The following IL1RAPL1 variants were observed in gnomAD, a reference collection of about 807,000 sequenced individuals.
IL1RAPL1 encodes interleukin 1 receptor accessory protein like 1, also known as interleukin-1 receptor accessory protein-like 1.
IL1RAPL1 carries 3 observed loss-of-function variants against 48.4 expected under a neutral mutation model. That is an observed-to-expected ratio of 0.06 (90% CI 0.03 to 0.16). IL1RAPL1 has a LOEUF of 0.16. Ranked by LOEUF, IL1RAPL1 falls within the 10% of genes least tolerant of loss-of-function variation. The probability of loss-of-function intolerance (pLI) is 1.00; values close to 1 mark genes in which losing one functional copy is unlikely to be tolerated. For synonymous variants in IL1RAPL1, 185 were observed against 187.7 expected, an observed-to-expected ratio of 0.99 and a Z score of 0.12; for missense variants, 349 against 530.6, an observed-to-expected ratio of 0.66 and a Z score of 3.36.
chrX:29,160,290 T>G (rs1319973352), intron 2 of IL1RAPL1, among the ~76,000 whole-genome samples: 1 of 111,883 alleles, frequency 8.9e-6, no homozygotes, highest in Non-Finnish European at 1.9e-5. Flanking sequence ...CTGCTTCTCA[T>G]TTTTCTTAAT....
intron 1 of IL1RAPL1, among the ~76,000 whole-genome samples, chrX:28,649,986 A>G (rs1413911698): frequency 9.0e-6 from 1 of 111,716 alleles, no homozygotes; most frequent in Non-Finnish European, 1.9e-5. Flanking sequence ...ATACTCAGGC[A>G]GCATTTTGTT....
At chrX:29,401,583 T>C (rs2147690221) in intron 5 of IL1RAPL1, among the ~76,000 whole-genome samples, 1 of 110,763 alleles carries the variant, frequency 9.0e-6, no homozygotes, top group Admixed American at 9.7e-5. Flanking sequence ...CTTGGTTTTC[T>C]GCACATCATT....
chrX:29,551,474 A>G (rs1320090284), intron 5 of IL1RAPL1, among the ~76,000 whole-genome samples: 1 of 112,252 alleles, frequency 8.9e-6, no homozygotes, highest in South Asian at 3.7e-4. Flanking sequence ...AAATTAGTCC[A>G]TGAAAGGCAT....
At chrX:29,471,169 AG>A (rs1934916618) in intron 5 of IL1RAPL1, among the ~76,000 whole-genome samples, 1 of 109,755 alleles carries the variant, frequency 9.1e-6, no homozygotes, top group Non-Finnish European at 1.9e-5. Context: ...TTTCCAAAGG[AG>A]GGGGTGGGGG....
intron 2 of IL1RAPL1, among the ~76,000 whole-genome samples, chrX:29,238,173 G>T (rs958686708): frequency 9.0e-6 from 1 of 111,724 alleles, no homozygotes; most frequent in African/African-American, 3.3e-5. Flanking sequence ...ACCTGCTTCT[G>T]TTATTCTCAA....
intron 3 of IL1RAPL1, among the ~76,000 whole-genome samples, chrX:29,374,723 G>A (rs1385231016): frequency 9.2e-6 from 1 of 109,104 alleles, no homozygotes; most frequent in Non-Finnish European, 1.9e-5. Context: ...GCAGGGAGAT[G>A]GATGGAGGGG....
chrX:29,938,846 T>G (rs1933076593), intron 8 of IL1RAPL1, among the ~76,000 whole-genome samples: 1 of 112,571 alleles, frequency 8.9e-6, no homozygotes, highest in African/African-American at 3.2e-5. Context: ...GTAGGTATTA[T>G]TTCTTGTCTG....
intron 5 of IL1RAPL1, among the ~76,000 whole-genome samples, chrX:29,437,451 A>C (rs1202990941): frequency 9.0e-6 from 1 of 110,750 alleles, no homozygotes; most frequent in Non-Finnish European, 1.9e-5. Context: ...ATGTTGAATA[A>C]GAGTAGTGAG....
chrX:28,957,405 A>T (rs914427060), intron 2 of IL1RAPL1, among the ~76,000 whole-genome samples: 3 of 112,132 alleles, frequency 2.7e-5, no homozygotes, highest in Non-Finnish European at 5.6e-5. Flanking sequence ...ACTAAATTTT[A>T]AATATTTTAA....
At chrX:28,953,631 G>T (rs1053194369) in intron 2 of IL1RAPL1, among the ~76,000 whole-genome samples, 1 of 111,283 alleles carries the variant, frequency 9.0e-6, no homozygotes, top group African/African-American at 3.3e-5. Flanking sequence ...AAGTGAGGCT[G>T]TCCAGAGGTG....
chrX:28,599,003 G>A (rs1220858200), intron 1 of IL1RAPL1, among the ~76,000 whole-genome samples: 9 of 109,168 alleles, frequency 8.2e-5, no homozygotes, highest in Non-Finnish European at 1.1e-4. Flanking sequence ...ACTTTGGGAG[G>A]CCGAGGCAAG....
intron 5 of IL1RAPL1, among the ~76,000 whole-genome samples, chrX:29,504,257 G>T (rs932966578): frequency 4.5e-5 from 5 of 111,498 alleles, no homozygotes; most frequent in African/African-American, 1.6e-4. Flanking sequence ...CTAAGAGATG[G>T]TCTACCCTGG....
chrX:28,813,470 A>G (rs1936818313), intron 2 of IL1RAPL1, among the ~76,000 whole-genome samples: 1 of 111,290 alleles, frequency 9.0e-6, no homozygotes, highest in African/African-American at 3.3e-5. Flanking sequence ...TATCTTCATC[A>G]GTGTTCCATG....
chrX:28,884,646 C>A (rs1275641493), intron 2 of IL1RAPL1, among the ~76,000 whole-genome samples: 1 of 111,657 alleles, frequency 9.0e-6, no homozygotes, highest in Non-Finnish European at 1.9e-5. Flanking sequence ...TTTGGCAAAT[C>A]TCCTTTTATA....
chrX:29,017,679 TAATC>T (rs1310064341), intron 2 of IL1RAPL1, among the ~76,000 whole-genome samples: 1 of 111,332 alleles, frequency 9.0e-6, no homozygotes, highest in Non-Finnish European at 1.9e-5. Context: ...AAGTGAATCT[TAATC>T]TATGTGGTAA....
chrX:29,764,105 A>G (rs1197024798), intron 6 of IL1RAPL1, among the ~76,000 whole-genome samples: 1 of 111,897 alleles, frequency 8.9e-6, no homozygotes, highest in Non-Finnish European at 1.9e-5. Context: ...AACAAATTAA[A>G]TTTTAATCTT....
At chrX:29,176,247 C>G (rs769014451) in intron 2 of IL1RAPL1, among the ~76,000 whole-genome samples, 494 of 98,282 alleles carry the variant, frequency 5.0e-3, no homozygotes, top group Non-Finnish European at 7.6e-3. Context: ...GCGCCCACCA[C>G]CACGCCTGGC....
chrX:29,370,338 G>GTT (rs66917059), intron 3 of IL1RAPL1, among the ~76,000 whole-genome samples: 118 of 108,126 alleles, frequency 1.1e-3, no homozygotes, highest in African/African-American at 2.4e-3. Flanking sequence ...ATGACATGAA[G>GTT]TATTTTTTTT....
chrX:29,762,932 T>C (rs1928789065), intron 6 of IL1RAPL1, among the ~76,000 whole-genome samples: 1 of 111,522 alleles, frequency 9.0e-6, no homozygotes, highest in Admixed American at 9.6e-5. Context: ...CACCTACTTA[T>C]CCTGATGTTG....
Sources: gnomAD v4.1 joint callset for allele counts (sites outside exome capture counted in the v4.1 genomes callset) on GRCh38, gnomAD v4.1.1 for gene constraint, MANE v1.5 for transcripts, NCBI Gene and HGNC (gene_info 2026-07-23, HGNC 2026-07-21) for gene names.